TENM4: variants seen among roughly 807,000 people sequenced by gnomAD.
TENM4 encodes the protein teneurin-4.
TENM4 carries 82 observed loss-of-function variants against 243.3 expected under a neutral mutation model. The ratio of observed to expected loss-of-function variants is 0.34; its 90% CI spans 0.28 to 0.40. The LOEUF is 0.40. TENM4 is among the 10% of genes least tolerant of loss of function. TENM4 has a pLI of 1.00. For missense variants in TENM4, 3,138 were observed against 3,673.3 expected, an observed-to-expected ratio of 0.85 and a Z score of 3.77; for synonymous variants, 1,412 against 1,456.3, an observed-to-expected ratio of 0.97 and a Z score of 0.69.
chr11:79,392,481 C>T (rs528657663), intron 1 of TENM4, among the ~76,000 whole-genome samples: 2 of 152,196 alleles, frequency 1.3e-5, no homozygotes, highest in African/African-American at 4.8e-5. Context: ...AAAGGAAAGT[C>T]GCAGGGAGAA....
chr11:79,246,229 C>A (rs1390779947), intron 2 of TENM4, among the ~76,000 whole-genome samples: 1 of 152,146 alleles, frequency 6.6e-6, no homozygotes, highest in Non-Finnish European at 1.5e-5. Context: ...TCATTTCACT[C>A]CATCTTTATA....
chr11:79,250,363 A>T (rs4579957), intron 2 of TENM4, among the ~76,000 whole-genome samples: 48,240 of 152,154 alleles, frequency 0.32, 8,511 homozygotes, highest in East Asian at 0.55. Flanking sequence ...TATAAGGCAA[A>T]GCAGGATGCC....
At chr11:78,990,571 G>A (rs1858018463) in intron 6 of TENM4, among the ~76,000 whole-genome samples, 1 of 152,126 alleles carries the variant, frequency 6.6e-6, no homozygotes. Flanking sequence ...ACTGTTCAGT[G>A]GAAAAAAACA....
At chr11:78,736,183 C>T (rs1032211161) in intron 20 of TENM4, among the ~76,000 whole-genome samples, 20 of 152,102 alleles carry the variant, frequency 1.3e-4, no homozygotes, top group Admixed American at 8.5e-4. Context: ...TCTTGAACGC[C>T]CAGGCTGGTC....
intron 9 of TENM4, among the ~76,000 whole-genome samples, chr11:78,887,612 C>T (rs1349690903): frequency 6.6e-6 from 1 of 152,126 alleles, no homozygotes; most frequent in Non-Finnish European, 1.5e-5. Flanking sequence ...TAAAGGTTAC[C>T]CAGTGAAAAC....
At chr11:79,050,456 T>C (rs1158588710) in intron 6 of TENM4, among the ~76,000 whole-genome samples, 2 of 152,214 alleles carry the variant, frequency 1.3e-5, no homozygotes, top group East Asian at 1.9e-4. Context: ...TTCTAATTGC[T>C]GTCTAACTTC....
intron 22 of TENM4, 94 bp downstream of exon 22, chr11:78,729,282 C>T: frequency 2.2e-6 from 3 of 1,360,058 alleles, no homozygotes; most frequent in Non-Finnish European, 3.0e-6. Context: ...TATTTTTGAT[C>T]TGAGAAGAGG....
intron 1 of TENM4, among the ~76,000 whole-genome samples, chr11:79,376,707 C>G (rs1055885353): frequency 1.3e-5 from 2 of 152,194 alleles, no homozygotes; most frequent in African/African-American, 4.8e-5. Context: ...GTGTATGTCC[C>G]TCCCCCAGGA....
rs1480454829 is a variant in TENM4, at chr11:78,658,511, A to G, written c.7857T>C (p.Phe2619=). The G allele has an allele frequency of 1.9e-6, 3 of 1,614,010 alleles. No individual in the cohort carries two copies. In the Admixed American group the frequency reaches 5.0e-5, roughly 27 times the overall value. Residue 2619 remains phenylalanine (F), a synonymous_variant, in exon 34 of 34, where the codon TTT becomes TTC. Transcript: ENST00000278550. The stretch of plus-strand genomic sequence containing the variant: ...CACCTTCTGAAGGTCCTGGTTTCAC[A>G]AAGTAATGGGTATCCACCCCATCAA... ...FTIDGVDTHY[F]VKPGPSEGDL...
At chr11:79,163,036 C>A (rs1862787083) in intron 3 of TENM4, among the ~76,000 whole-genome samples, 2 of 152,184 alleles carry the variant, frequency 1.3e-5, no homozygotes, top group Non-Finnish European at 2.9e-5. Flanking sequence ...TAAAAGGTCC[C>A]TAGACCTTGT....
intron 2 of TENM4, among the ~76,000 whole-genome samples, chr11:79,292,877 A>G (rs1205428206): frequency 6.6e-6 from 1 of 152,230 alleles, no homozygotes; most frequent in Non-Finnish European, 1.5e-5. Context: ...ACTTAGCACT[A>G]TGCTTAGCAA....
At position 78,722,854 on chromosome 11, in the gene TENM4, C is replaced by G; in HGVS notation, c.3614G>C (p.Ser1205Thr). Residue 1205 changes from serine (S) to threonine (T), a missense_variant, in exon 24 of 34, where the codon AGC (serine) becomes ACC (threonine). Ser to Thr is a moderately conservative substitution (Grantham distance 58). Transcript: ENST00000278550. ...FVSQQPPVIG[S>T]IMGNGRRRSI... is the part of the protein sequence containing the mutation. ...TCTCCGGCGCCCATTGCCCATGATG[C>G]TCCCAATGACAGGAGGCTGCTGAGA... is the stretch of plus-strand genomic sequence containing the variant. 1 of 1,614,072 alleles carries G rather than the reference C, an allele frequency of 6.2e-7. No homozygotes were observed. The highest frequency in any genetic ancestry group is 8.5e-7 in the Non-Finnish European group (1 of 1,179,902).
At chr11:79,164,957 A>ATGTGTG (rs369197845) in intron 3 of TENM4, among the ~76,000 whole-genome samples, 185 of 139,928 alleles carry the variant, frequency 1.3e-3, no homozygotes, top group African/African-American at 1.7e-3. Flanking sequence ...CTATATATAT[A>ATGTGTG]TGTGTGTGTG....
At position 79,020,161 on chromosome 11, in the gene TENM4, T is replaced by C. The variant is rs138977246; in HGVS notation, c.493+44577A>G. Among the ~76,000 whole-genome samples the C allele has an allele frequency of 2.7e-4, 41 of 152,294 alleles. No individual in the cohort carries two copies. The East Asian group carries it at 7.7e-3, about 29-fold the overall frequency. On this transcript the variant is annotated intron_variant, in intron 6 of 33. Transcript: ENST00000278550. ...AAAGCTTCTTGTCTTCTGGCACAGA[T>C]GATGTTAGTGTGTGTTACTGATCCA...
At chr11:78,932,822 T>C (rs1856698268) in intron 6 of TENM4, among the ~76,000 whole-genome samples, 1 of 152,050 alleles carries the variant, frequency 6.6e-6, no homozygotes, top group Admixed American at 6.6e-5. Context: ...AGGGTTCGAG[T>C]TCCTATGAGA....
At chr11:79,138,331 T>TATATATATATA (rs1555015535) in intron 4 of TENM4, among the ~76,000 whole-genome samples, 3 of 76,134 alleles carry the variant, frequency 3.9e-5, no homozygotes, top group African/African-American at 1.9e-4. Context: ...ATATATATAT[T>TATATATATATA]ATATATATAA....
chr11:79,126,474 G>C (rs530265537), intron 4 of TENM4, among the ~76,000 whole-genome samples: 2 of 152,340 alleles, frequency 1.3e-5, no homozygotes, highest in South Asian at 2.1e-4. Context: ...GCACTCAACT[G>C]TCAAAGGCAA....
chr11:79,144,070 T>C (rs1565222723), intron 4 of TENM4, among the ~76,000 whole-genome samples: 1 of 151,940 alleles, frequency 6.6e-6, no homozygotes, highest in Non-Finnish European at 1.5e-5. Flanking sequence ...GCATTAATAA[T>C]CAGAATATAT....
At chr11:79,195,224 A>G (rs1863598976) in intron 3 of TENM4, among the ~76,000 whole-genome samples, 1 of 152,216 alleles carries the variant, frequency 6.6e-6, no homozygotes, top group Non-Finnish European at 1.5e-5. Context: ...TGGGGCTTTC[A>G]TGGAGAACCT....
Sources: allele counts gnomAD v4.1 joint callset (sites outside exome capture counted in the v4.1 genomes callset), GRCh38; gene constraint gnomAD v4.1.1; transcripts MANE v1.5; gene names NCBI Gene and HGNC (gene_info 2026-07-23, HGNC 2026-07-21).